The following TRPM4 variants were observed in gnomAD, a reference collection of about 807,000 sequenced individuals.
The protein encoded by TRPM4 is calcium-activated non-selective cation channel 1.
A neutral mutation model predicts 135.6 loss-of-function variants in TRPM4; 124 were observed. The observed-to-expected ratio is 0.91, with a 90% confidence interval of 0.79 to 1.06. The LOEUF is 1.06. Among genes scored for constraint, TRPM4 ranks in the 50% least tolerant of loss-of-function variants. TRPM4 has a pLI of 0.00. For missense variants in TRPM4, 1,658 were observed against 1,671.4 expected (o/e 0.99, Z 0.14); for synonymous variants, 745 against 705.6 (o/e 1.06, Z -0.88).
Position 49,182,659 on chromosome 19 carries a change from C to T in TRPM4, c.1345C>T (p.Leu449Phe). The T allele has an allele frequency of 6.2e-7, 1 of 1,614,248 alleles. No individual in the cohort carries two copies. Among genetic ancestry groups the T allele is most frequent in the South Asian group, 1.1e-5 (1 of 91,092 alleles). The change falls in exon 11 of 25, where the codon CTC becomes TTC. Residue 449 changes from leucine to phenylalanine, a missense_variant. Coordinates refer to ENST00000252826, the MANE Select transcript of TRPM4 (RefSeq NM_017636.4). ...EFVRLLISHG[L>F]SLGHFLTPMR... ...CGTGCGCTTGCTCATTTCCCACGGCCTCAGCCTGGGCCACTTCCTGACCCC... is the reference window on the plus strand; with the variant it reads ...CGTGCGCTTGCTCATTTCCCACGGCTTCAGCCTGGGCCACTTCCTGACCCC...
At chr19:49,203,243 A>G (rs570631857) in intron 20 of TRPM4, among the ~76,000 whole-genome samples, 33 of 151,258 alleles carry the variant, frequency 2.2e-4, no homozygotes, top group Non-Finnish European at 4.0e-4. Flanking sequence ...GCAATGGTGC[A>G]ATCTCAGCTT....
intron 20 of TRPM4, among the ~76,000 whole-genome samples, chr19:49,204,075 G>A (rs954502443): frequency 2.6e-5 from 4 of 152,276 alleles, no homozygotes; most frequent in Admixed American, 2.0e-4. Context: ...AGCCAAGATC[G>A]TGCCACTGCA....
At chr19:49,176,874 C>G (rs987760696) in intron 9 of TRPM4, among the ~76,000 whole-genome samples, 4 of 152,028 alleles carry the variant, frequency 2.6e-5, no homozygotes, top group African/African-American at 9.7e-5. Context: ...CAAAAAGAAA[C>G]AAACCAGCTT....
chr19:49,190,677 G>T lies in TRPM4; in HGVS notation c.2133-19G>T. 1.9e-6 allele frequency: 3 copies of T among 1,613,600 alleles called. No homozygotes were observed. The highest frequency in any genetic ancestry group is 2.5e-6 in the Non-Finnish European group (3 of 1,179,546). On this transcript the variant is annotated intron_variant, in intron 15 of 24. Transcript: ENST00000252826. ...TTCTCTTCCCCTCATTTCTTGCTCTGTGCTTCCCCCCTTGCTAGGAAATCA... is the reference window on the plus strand; with the variant it reads ...TTCTCTTCCCCTCATTTCTTGCTCTTTGCTTCCCCCCTTGCTAGGAAATCA...
chr19:49,166,381 G>A (rs577966309), intron 3 of TRPM4, among the ~76,000 whole-genome samples, 166 bp downstream of exon 3: 1 of 152,122 alleles, frequency 6.6e-6, no homozygotes, highest in African/African-American at 2.4e-5. Flanking sequence ...AGGGGGTCCC[G>A]TTCTCTCTGC....
chr19:49,198,881 G>A (rs542305469), intron 17 of TRPM4, among the ~76,000 whole-genome samples: 10 of 152,138 alleles, frequency 6.6e-5, no homozygotes, highest in Admixed American at 2.6e-4. Flanking sequence ...TTACAGGCGT[G>A]AGCTACTATG....
intron 6 of TRPM4, among the ~76,000 whole-genome samples, chr19:49,168,951 T>C (rs1967346850): frequency 6.6e-6 from 1 of 151,886 alleles, no homozygotes; most frequent in South Asian, 2.1e-4. Context: ...GTAGGAGGAT[T>C]GCTTGAGGCC....
rs747323905 is a variant in TRPM4, at chr19:49,172,095, G to A, written c.1137G>A (p.Lys379=). 1.2e-6 allele frequency: 2 copies of A among 1,613,670 alleles called. No homozygotes were observed. The highest frequency in any genetic ancestry group is 1.7e-6 in the Non-Finnish European group (2 of 1,179,640). Residue 379 remains lysine (K), a synonymous_variant, in exon 9 of 25, where the codon AAG becomes AAA. Coordinates refer to ENST00000252826, the MANE Select transcript of TRPM4 (RefSeq NM_017636.4). The part of the protein sequence containing the change: ...GSEEFETIVL[K]ALVKACGSSE... ...AGGAATTCGAGACCATAGTTTTGAA[G>A]GCCCTTGTGAAGGGTAAAAGTTGTA...
chr19:49,197,304 TTCTTTTTCTTTCTTTCTTTC>T (rs1261216839), intron 17 of TRPM4, among the ~76,000 whole-genome samples: 1 of 122,222 alleles, frequency 8.2e-6, no homozygotes, highest in African/African-American at 3.7e-5. Context: ...TTCTCTTTCT[TTCTTTTTCTTTCTTTCTTTC>T]TTTCTTTCTT....
intron 15 of TRPM4, 136 bp downstream of exon 15, chr19:49,190,456 A>T (rs532014158): frequency 2.3e-6 from 2 of 878,834 alleles, no homozygotes; most frequent in Non-Finnish European, 3.7e-6. Context: ...CTGTCCCTCC[A>T]CTAAGGGAGT....
At position 49,210,588 on chromosome 19, in the gene TRPM4, A is replaced by G; in HGVS notation, c.3329-122A>G. On this transcript the variant is annotated intron_variant, in intron 21 of 24. Transcript: ENST00000252826. The surrounding 1 kb of genome is among the most constrained non-coding windows in gnomAD (Gnocchi z 4.1). ...AGTGCTTACGGGTGAGGGGCGGGGC[A>G]TGTTCTCGAATCACCAGGGGCTGGG... 2 of 1,500,544 alleles carry G rather than the reference A, an allele frequency of 1.3e-6. No homozygotes were observed. The highest frequency in any genetic ancestry group is 1.2e-5 in the South Asian group (1 of 86,788). 93.0% of individuals were successfully genotyped at this position (1,500,544 alleles called of 1,614,324 possible). A position where few individuals can be genotyped will look rare whatever the true frequency, so the allele number is the denominator to read the frequency against.
At chr19:49,185,412 T>A (rs1555756675) in intron 12 of TRPM4, among the ~76,000 whole-genome samples, 3 of 152,126 alleles carry the variant, frequency 2.0e-5, no homozygotes, top group Non-Finnish European at 4.4e-5. Context: ...AAGCTAATTT[T>A]AAAAAATTTG....
intron 20 of TRPM4, among the ~76,000 whole-genome samples, chr19:49,205,289 C>T (rs1969106593): frequency 2.0e-5 from 3 of 152,050 alleles, no homozygotes; most frequent in South Asian, 2.1e-4. Context: ...CCTCCTGTCA[C>T]GTCTAGTGCT....
intron 9 of TRPM4, among the ~76,000 whole-genome samples, chr19:49,176,134 G>C (rs1479724520): frequency 1.4e-5 from 2 of 148,006 alleles, no homozygotes; most frequent in Non-Finnish European, 3.0e-5. Context: ...ATGTTGGCCA[G>C]GCTGGTTTTG....
intron 13 of TRPM4, 48 bp downstream of exon 13, chr19:49,188,818 A>G: frequency 3.1e-6 from 5 of 1,613,012 alleles, no homozygotes; most frequent in Non-Finnish European, 4.2e-6. Context: ...CTGCCGCCAG[A>G]GGGGGATGTG....
At chr19:49,169,833 C>T (rs1428293157) in intron 6 of TRPM4, among the ~76,000 whole-genome samples, 2 of 152,006 alleles carry the variant, frequency 1.3e-5, no homozygotes, top group East Asian at 1.9e-4. Context: ...GCTGGGATTA[C>T]GGTCGTGAGC....
At chr19:49,179,712 G>C (rs1967843687) in intron 9 of TRPM4, among the ~76,000 whole-genome samples, 1 of 152,204 alleles carries the variant, frequency 6.6e-6, no homozygotes, top group Non-Finnish European at 1.5e-5. Context: ...GAAAGTAGGA[G>C]AGCTTCATAG....
chr19:49,194,470 C>T (rs1968548043), intron 16 of TRPM4, among the ~76,000 whole-genome samples: 1 of 151,938 alleles, frequency 6.6e-6, no homozygotes, highest in Non-Finnish European at 1.5e-5. Flanking sequence ...GTCTCAAATT[C>T]GAAGGCTTAA....
rs1968359571 is a variant in TRPM4 at position 49,190,254 on chromosome 19, C to G, written c.2066C>G (p.Pro689Arg). 6.2e-7 allele frequency: 1 copy of G among 1,614,062 alleles called. No homozygotes were observed. Among genetic ancestry groups the G allele is most frequent in the Non-Finnish European group, 8.5e-7 (1 of 1,180,056 alleles). Residue 689 changes from proline to arginine, a missense_variant, in exon 15 of 25, where the codon CCC becomes CGC. By Grantham distance (103) the Pro-to-Arg change is moderately radical. Coordinates refer to ENST00000252826, the MANE Select transcript of TRPM4 (RefSeq NM_017636.4). ...TGGGGAGATATGGCCAGCACTACACCCATCTGGGCCCTGGTTCTCGCCTTC... is the reference window on the plus strand; with the variant it reads ...TGGGGAGATATGGCCAGCACTACACGCATCTGGGCCCTGGTTCTCGCCTTC... ...KWWGDMASTT[P>R]IWALVLAFFC...
Sources: allele counts gnomAD v4.1 joint callset (sites outside exome capture counted in the v4.1 genomes callset), GRCh38; gene constraint gnomAD v4.1.1; non-coding constraint Gnocchi (gnomAD v3.1); transcripts MANE v1.5; gene names NCBI Gene and HGNC (gene_info 2026-07-23, HGNC 2026-07-21).